FRMD5: variants seen among roughly 807,000 people sequenced by gnomAD.
The protein encoded by FRMD5 is FERM domain-containing protein 5.
In FRMD5, 20 loss-of-function variants were observed where a neutral mutation model predicts 69.0. The observed-to-expected ratio is 0.29, with a 90% CI of 0.20 to 0.42. FRMD5 has a LOEUF of 0.42. FRMD5 is among the 10% of genes least tolerant of loss of function. The pLI is 1.00. For synonymous variants in FRMD5, 271 were observed against 260.1 expected (o/e 1.04, Z -0.40); for missense variants, 595 against 708.6 (o/e 0.84, Z 1.82).
chr15:43,971,402 T>C (rs1199275701), intron 1 of FRMD5, among the ~76,000 whole-genome samples: 1 of 152,002 alleles, frequency 6.6e-6, no homozygotes, highest in African/African-American at 2.4e-5. Context: ...TTTTCTTTTG[T>C]TCAAAAAAAT....
At chr15:43,985,853 G>A (rs1889371343) in intron 1 of FRMD5, among the ~76,000 whole-genome samples, 1 of 152,154 alleles carries the variant, frequency 6.6e-6, no homozygotes, top group African/African-American at 2.4e-5. Context: ...CCCTGGAGGA[G>A]AAAGAGAAAC....
chr15:44,001,685 C>T (rs1315034389), intron 1 of FRMD5, among the ~76,000 whole-genome samples: 2 of 151,742 alleles, frequency 1.3e-5, no homozygotes, highest in Admixed American at 1.3e-4. Flanking sequence ...CAGCTCACTG[C>T]AGCCTCCGCT....
At position 43,919,770 on chromosome 15, in the gene FRMD5, T is replaced by G; in HGVS notation, c.247A>C (p.Arg83=). ...TCTTTTCATGGAGAATACTTACATCTCAATTGTTTCACCACAGACTTTGTA... is the reference window on the plus strand; with the variant it reads ...TCTTTTCATGGAGAATACTTACATCGCAATTGTTTCACCACAGACTTTGTA... ...EFTKSVVKQL[R]SQPPFTMCFR... Residue 83 remains arginine, a synonymous_variant, in exon 3 of 14, where the codon AGA becomes CGA. Coordinates refer to ENST00000417257, the MANE Select transcript of FRMD5 (RefSeq NM_032892.5). 1 of 1,613,942 alleles carries G rather than the reference T, an allele frequency of 6.2e-7. No individual in the cohort carries two copies. Among genetic ancestry groups the G allele is most frequent in the Admixed American group, 1.7e-5 (1 of 60,024 alleles).
At chr15:43,915,371 C>G (rs1372789317) in intron 4 of FRMD5, among the ~76,000 whole-genome samples, 2 of 152,202 alleles carry the variant, frequency 1.3e-5, no homozygotes, top group Non-Finnish European at 2.9e-5. Context: ...TCCATCTTAG[C>G]CTAAGCTAGG....
chr15:44,026,782 A>G (rs1891446045), intron 1 of FRMD5, among the ~76,000 whole-genome samples: 1 of 152,234 alleles, frequency 6.6e-6, no homozygotes, highest in South Asian at 2.1e-4. Context: ...TTCTAAAGGA[A>G]AAAGCTACTA....
chr15:44,103,036 G>T (rs2076662982), intron 1 of FRMD5, among the ~76,000 whole-genome samples: 1 of 152,170 alleles, frequency 6.6e-6, no homozygotes, highest in Non-Finnish European at 1.5e-5. Context: ...AGTCATGGTA[G>T]GGAGATTTTC....
At chr15:44,057,436 T>C (rs192924008) in intron 1 of FRMD5, among the ~76,000 whole-genome samples, 24 of 152,334 alleles carry the variant, frequency 1.6e-4, no homozygotes, top group Non-Finnish European at 2.8e-4. Context: ...TCTGGAGATA[T>C]TGCACATGGT....
intron 1 of FRMD5, 98 bp downstream of exon 1, chr15:44,194,855 C>T: frequency 9.9e-7 from 1 of 1,008,520 alleles, no homozygotes; most frequent in Non-Finnish European, 1.5e-6. Flanking sequence ...GGCGCTGGGG[C>T]TGGGGCGACC....
intron 8 of FRMD5, among the ~76,000 whole-genome samples, chr15:43,889,323 G>A (rs1184881812): frequency 7.2e-5 from 11 of 152,204 alleles, no homozygotes; most frequent in Non-Finnish European, 1.5e-5. Flanking sequence ...AGGGAGTTGA[G>A]TCTTTCAGGT....
At chr15:43,894,906 T>A (rs1321579747) in intron 7 of FRMD5, among the ~76,000 whole-genome samples, 2 of 152,170 alleles carry the variant, frequency 1.3e-5, no homozygotes, top group Non-Finnish European at 2.9e-5. Context: ...GTTACCTACC[T>A]CATAGGTTAT....
chr15:44,053,729 C>T (rs911435550), intron 1 of FRMD5, among the ~76,000 whole-genome samples: 2 of 152,060 alleles, frequency 1.3e-5, no homozygotes, highest in Non-Finnish European at 2.9e-5. Context: ...AGTCCACGAG[C>T]GCAGTTCATT....
chr15:44,091,409 T>G (rs1439095071), intron 1 of FRMD5, among the ~76,000 whole-genome samples: 5 of 152,252 alleles, frequency 3.3e-5, no homozygotes, highest in South Asian at 2.1e-4. Flanking sequence ...TCAACCAGGT[T>G]AATAAATTCC....
chr15:44,169,211 C>T (rs755810951), intron 1 of FRMD5, among the ~76,000 whole-genome samples: 2 of 152,056 alleles, frequency 1.3e-5, no homozygotes, highest in African/African-American at 2.4e-5. Context: ...CATGTAAAGG[C>T]TTTTGTCGCC....
chr15:43,917,625 T>A (rs1236271598), intron 4 of FRMD5: 1 of 152,198 alleles, frequency 6.6e-6, no homozygotes, highest in African/African-American at 2.4e-5. Context: ...CTTCAGGTGA[T>A]CCGCCCGCCT....
intron 1 of FRMD5, among the ~76,000 whole-genome samples, chr15:44,155,960 A>G (rs950492736): frequency 1.2e-4 from 18 of 152,032 alleles, no homozygotes; most frequent in African/African-American, 4.1e-4. Context: ...TGAAATATGC[A>G]AGAAGTTCTC....
intron 1 of FRMD5, among the ~76,000 whole-genome samples, chr15:44,070,959 A>G (rs1893515701): frequency 1.3e-5 from 2 of 152,150 alleles, no homozygotes; most frequent in South Asian, 2.1e-4. Context: ...TCTGCACAGC[A>G]TATCACATGT....
chr15:43,971,798 C>T (rs1268723031), intron 1 of FRMD5, among the ~76,000 whole-genome samples: 1 of 150,626 alleles, frequency 6.6e-6, no homozygotes, highest in East Asian at 2.0e-4. Context: ...CCTCCATCTC[C>T]CGGGTTCAAG....
intron 1 of FRMD5, among the ~76,000 whole-genome samples, chr15:44,165,262 T>C (rs1166795369): frequency 6.6e-6 from 1 of 151,682 alleles, no homozygotes; most frequent in Non-Finnish European, 1.5e-5. Context: ...CTACTAAAAA[T>C]ACAAAAATTA....
intron 1 of FRMD5, among the ~76,000 whole-genome samples, chr15:43,932,197 A>C (rs768935263): frequency 4.6e-4 from 70 of 152,350 alleles, no homozygotes; most frequent in Non-Finnish European, 7.9e-4. Flanking sequence ...ACTTGAATGC[A>C]CAAGGCCTCA....
Sources: allele counts gnomAD v4.1 joint callset (sites outside exome capture counted in the v4.1 genomes callset), GRCh38; gene constraint gnomAD v4.1.1; transcripts MANE v1.5; gene names NCBI Gene and HGNC (gene_info 2026-07-23, HGNC 2026-07-21).